The following MED24 variants were observed in gnomAD, a reference collection of about 807,000 sequenced individuals.
MED24 encodes the protein mediator of RNA polymerase II transcription subunit 24.
Under a neutral mutation model 118.8 loss-of-function variants are expected in MED24, and 74 were observed. That is an observed-to-expected ratio of 0.62 (90% CI 0.52 to 0.76). The LOEUF (loss-of-function observed/expected upper bound fraction) is 0.76. Among genes scored for constraint, MED24 ranks in the 30% least tolerant of loss-of-function variants. The pLI, the probability that MED24 is intolerant of heterozygous loss-of-function variation, is 0.00. For missense variants in MED24, 1,041 were observed against 1,278.9 expected (o/e 0.81, Z 2.84); for synonymous variants, 521 against 523.9 (o/e 0.99, Z 0.08).
Position 40,027,363 on chromosome 17 carries a change from C to T in MED24, c.1530+20G>A, listed in dbSNP as rs529174414. 5.0e-6 allele frequency: 8 copies of T among 1,608,140 alleles called. No individual in the cohort carries two copies. The highest frequency in any genetic ancestry group is 6.8e-6 in the Non-Finnish European group (8 of 1,177,472). ...ACCTCCTTCCCTTGAGCCCCCGTCC[C>T]GGTCGCTCCCCTCTCTCACCTCTGA... is the stretch of plus-strand genomic sequence containing the variant. On this transcript the variant is annotated intron_variant, in intron 16 of 25. Transcript: ENST00000394128.
At chr17:40,043,933 C>T (rs1403931400) in intron 3 of MED24, among the ~76,000 whole-genome samples, 2 of 145,198 alleles carry the variant, frequency 1.4e-5, no homozygotes, top group South Asian at 2.2e-4. Flanking sequence ...GTTCGAGACC[C>T]GCCTGGCCAA....
Position 40,022,273 on chromosome 17 carries a change from C to T in MED24, c.2523+121G>A. Reference sequence around the variant, plus strand: ...ATGCAGATTCCTGACCAATCATGCCCAGGCACAGCTGCCCCAAGGGCAGGG... The same window carrying T: ...ATGCAGATTCCTGACCAATCATGCCTAGGCACAGCTGCCCCAAGGGCAGGG... On this transcript the variant is annotated intron_variant, in intron 22 of 25. Coordinates refer to ENST00000394128, the MANE Select transcript of MED24 (RefSeq NM_014815.4). 2.7e-6 allele frequency: 3 copies of T among 1,122,396 alleles called. No individual in the cohort carries two copies. The South Asian group carries it at 4.5e-5, about 17-fold the overall frequency. The allele number at this position is 1,122,396 out of a possible 1,614,324, so 69.5% of individuals were successfully genotyped here.
intron 16 of MED24, 163 bp downstream of exon 16, chr17:40,027,220 G>T: frequency 2.8e-6 from 3 of 1,079,042 alleles, no homozygotes; most frequent in Non-Finnish European, 4.0e-6. Context: ...TGAACATAGG[G>T]CTGAAGGTGC....
intron 3 of MED24, among the ~76,000 whole-genome samples, chr17:40,038,355 CA>C (rs1984183124): frequency 6.6e-6 from 1 of 152,114 alleles, no homozygotes; most frequent in African/African-American, 2.4e-5. Flanking sequence ...TCATCACCAT[CA>C]TAAGACTGGA....
At chr17:40,044,918 T>C (rs2144970637) in intron 3 of MED24, among the ~76,000 whole-genome samples, 1 of 149,368 alleles carries the variant, frequency 6.7e-6, no homozygotes, top group Non-Finnish European at 1.5e-5. Flanking sequence ...TTGGCAAAGG[T>C]ATGGGGAAAT....
chr17:40,053,164 G>C (rs1354110693), intron 3 of MED24, 134 bp downstream of exon 3: 7 of 835,194 alleles, frequency 8.4e-6, no homozygotes, highest in Non-Finnish European at 1.1e-5. Flanking sequence ...TGAACTCCTG[G>C]GCTCAAGCAA....
intron 4 of MED24, 38 bp downstream of exon 4, chr17:40,036,078 T>C: frequency 6.3e-7 from 1 of 1,593,978 alleles, no homozygotes; most frequent in Non-Finnish European, 8.6e-7. Context: ...GCCTTGTCTG[T>C]CATCCCCAAT....
intron 23 of MED24, 95 bp from the exon 24 acceptor site, chr17:40,020,448 G>A (rs745383979): frequency 6.5e-6 from 10 of 1,546,724 alleles, no homozygotes; most frequent in Non-Finnish European, 8.7e-6. Context: ...TCACCCATCG[G>A]AGGTAACTGG....
chr17:40,053,769 C>G lies in MED24; in HGVS notation c.-37-134G>C, dbSNP rs1485934188. The G allele has an allele frequency of 3.4e-6, 4 of 1,169,990 alleles. No homozygotes were observed. The African/African-American group carries it at 4.6e-5, about 14-fold the overall frequency. 72.5% of individuals were successfully genotyped at this position (1,169,990 alleles called of 1,614,324 possible). ...ACAGAGGAATTTGAAAGAAAAAGAGCTAAAGGGATAAAGTAAGATCCTGTC... is the reference window on the plus strand; with the variant it reads ...ACAGAGGAATTTGAAAGAAAAAGAGGTAAAGGGATAAAGTAAGATCCTGTC... On this transcript the variant is annotated intron_variant, in intron 1 of 25. Transcript: ENST00000394128.
At chr17:40,047,704 A>C (rs145364743) in intron 3 of MED24, among the ~76,000 whole-genome samples, 2,093 of 151,880 alleles carry the variant, frequency 0.014, 26 homozygotes, top group Admixed American at 0.018. Context: ...ACAACAACAA[A>C]AAAAAAACCC....
intron 15 of MED24, 105 bp from the exon 16 acceptor site, chr17:40,027,570 T>A: frequency 9.3e-7 from 1 of 1,079,346 alleles, no homozygotes; most frequent in Non-Finnish European, 1.4e-6. Flanking sequence ...AGGGACCAAG[T>A]GGCTCCTTCA....
intron 3 of MED24, among the ~76,000 whole-genome samples, chr17:40,041,699 A>G (rs1358949832): frequency 2.0e-5 from 3 of 152,118 alleles, no homozygotes; most frequent in Non-Finnish European, 4.4e-5. Context: ...CAGAAACCTA[A>G]GCGTTATCCT....
intron 13 of MED24, 119 bp from the exon 14 acceptor site, chr17:40,029,087 C>T (rs1983064477): frequency 7.2e-7 from 1 of 1,390,376 alleles, no homozygotes; most frequent in Non-Finnish European, 9.9e-7. Flanking sequence ...TTTCTGACTT[C>T]AATCTGGAAA....
chr17:40,034,344 A>C (rs919871134), intron 6 of MED24, among the ~76,000 whole-genome samples: 3 of 152,212 alleles, frequency 2.0e-5, no homozygotes, highest in Admixed American at 1.3e-4. Context: ...AGTAAAACAT[A>C]CTTGGGGAAG....
In MED24 at chr17:40,033,079, G is replaced by A; in HGVS notation, c.799C>T (p.Leu267=). 6.2e-7 allele frequency: 1 copy of A among 1,614,062 alleles called. No individual in the cohort carries two copies. The highest frequency in any genetic ancestry group is 8.5e-7 in the Non-Finnish European group (1 of 1,180,038). ...TGETQSLVEQ[L]TMVKRMQHIP... is the part of the protein sequence containing the mutation. The stretch of plus-strand genomic sequence containing the variant: ...ACCTGCATGCGCTTCACCATCGTCA[G>A]CTGCTCCACCAGGGACTGCGTCTCG... The change falls in exon 8 of 26, where the codon CTG becomes TTG. Residue 267 remains leucine (L), a synonymous_variant. Coordinates refer to ENST00000394128, the MANE Select transcript of MED24 (RefSeq NM_014815.4). This position sits in a 1 kb window ranked among gnomAD's most constrained non-coding sequence, Gnocchi z 5.2.
At chr17:40,034,853 C>CGGGGGGGG in intron 6 of MED24, 1 of 309,118 alleles carries the variant, frequency 3.2e-6, no homozygotes, top group Non-Finnish European at 6.0e-6. Flanking sequence ...CTTTGGTAGC[C>CGGGGGGGG]CCCCACCCCC....
At chr17:40,043,890 C>CAAAAAAAAAAAAAAAAACAAAAAAA (rs35743512) in intron 3 of MED24, among the ~76,000 whole-genome samples, 15 of 97,418 alleles carry the variant, frequency 1.5e-4, no homozygotes, top group Non-Finnish European at 2.6e-4. Context: ...GACTCCATCT[C>CAAAAAAAAAAAAAAAAACAAAAAAA]AAAAAAAAAA....
chr17:40,050,223 C>T (rs976002094), intron 3 of MED24, among the ~76,000 whole-genome samples: 4 of 139,082 alleles, frequency 2.9e-5, no homozygotes, highest in African/African-American at 5.4e-5. Context: ...CCGAGGTGAG[C>T]GGATCACCTG....
In MED24 at chr17:40,022,837, G is replaced by A; in HGVS notation, c.2251-11C>T. ...CTCCTTCAGCAGCTCCTAGTGCGCAGGAAAGGGGGCAGTTCAGGAGCCAGG... is the reference window on the plus strand; with the variant it reads ...CTCCTTCAGCAGCTCCTAGTGCGCAAGAAAGGGGGCAGTTCAGGAGCCAGG... On this transcript the variant is annotated splice_polypyrimidine_tract_variant and intron_variant, in intron 20 of 25. Transcript: ENST00000394128. The A allele has an allele frequency of 1.2e-6, 2 of 1,612,202 alleles. No individual in the cohort carries two copies. The highest frequency in any genetic ancestry group is 1.7e-6 in the Non-Finnish European group (2 of 1,179,738).
Sources: allele counts gnomAD v4.1 joint callset (sites outside exome capture counted in the v4.1 genomes callset), GRCh38; gene constraint gnomAD v4.1.1; non-coding constraint Gnocchi (gnomAD v3.1); transcripts MANE v1.5; gene names NCBI Gene and HGNC (gene_info 2026-07-23, HGNC 2026-07-21).